The following PLCB2 variants were observed in gnomAD, a reference collection of about 807,000 sequenced individuals.
PLCB2 encodes 1-phosphatidylinositol 4,5-bisphosphate phosphodiesterase beta-2.
A neutral mutation model predicts 141.7 loss-of-function variants in PLCB2; 115 were observed. The ratio of observed to expected loss-of-function variants is 0.81; its 90% CI spans 0.70 to 0.95. The LOEUF (loss-of-function observed/expected upper bound fraction) is 0.95, where lower values mean the gene tolerates loss of function less well. Among genes scored for constraint, PLCB2 ranks in the 40% least tolerant of loss-of-function variants. The probability of loss-of-function intolerance (pLI) is 0.00; values close to 1 mark genes in which losing one functional copy is unlikely to be tolerated. For synonymous variants in PLCB2, 603 were observed against 595.6 expected, an observed-to-expected ratio of 1.01 and a Z score of -0.18; for missense variants, 1,403 against 1,541.1, an observed-to-expected ratio of 0.91 and a Z score of 1.50.
chr15:40,294,589 TAGGC>T (rs1260952681), intron 18 of PLCB2, among the ~76,000 whole-genome samples, 169 bp from the exon 19 acceptor site: 6 of 152,100 alleles, frequency 3.9e-5, no homozygotes, highest in African/African-American at 1.2e-4. Flanking sequence ...TCTCCTCTCT[TAGGC>T]AGGGTCCACA....
chr15:40,299,378 C>T (rs960623509), intron 7 of PLCB2, 150 bp from the exon 8 acceptor site: 2 of 599,242 alleles, frequency 3.3e-6, no homozygotes, highest in Admixed American at 5.8e-5. Flanking sequence ...ATCCACTTCT[C>T]AAGGCCCTGG....
At position 40,299,093 on chromosome 15, in the gene PLCB2, C is replaced by A. The variant is rs376770562; in HGVS notation, c.683+35G>T. 42 of 1,581,692 alleles carry A rather than the reference C, an allele frequency of 2.7e-5. No individual in the cohort carries two copies. In the African/African-American group the frequency reaches 5.2e-4, roughly 20 times the overall value. On this transcript the variant is annotated intron_variant, in intron 8 of 31. Transcript: ENST00000260402. The stretch of plus-strand genomic sequence containing the variant: ...GAGGAGGGGATTGTTAGCCACCACC[C>A]TTTTCCCATGACCAGCACAACCCAA...
intron 7 of PLCB2, chr15:40,300,701 T>G (rs1241805701): frequency 3.9e-5 from 6 of 152,210 alleles, no homozygotes; most frequent in Non-Finnish European, 8.8e-5. Context: ...ACCACCAGAA[T>G]AGGCAAATCT....
intron 30 of PLCB2, chr15:40,289,717 T>C: frequency 1.9e-6 from 1 of 514,914 alleles, no homozygotes; most frequent in Non-Finnish European, 3.5e-6. Context: ...AGTCCCAGCC[T>C]CCCCTGGCCC....
At position 40,297,815 on chromosome 15, in the gene PLCB2, C is replaced by A; in HGVS notation, c.1238+62G>T. Reference sequence around the variant, plus strand: ...GAGGCTGGGGCAGTTGTGGGGAGGACAGTTGCAGACAGGAGACTGGGGGCT... The same window carrying A: ...GAGGCTGGGGCAGTTGTGGGGAGGAAAGTTGCAGACAGGAGACTGGGGGCT... On this transcript the variant is annotated intron_variant, in intron 12 of 31. Coordinates refer to ENST00000260402, the MANE Select transcript of PLCB2 (RefSeq NM_004573.3). The surrounding 1 kb of genome is among the most constrained non-coding windows in gnomAD (Gnocchi z 4.2). The A allele has an allele frequency of 7.6e-7, 1 of 1,309,326 alleles. No homozygotes were observed. Among genetic ancestry groups the A allele is most frequent in the South Asian group, 1.2e-5 (1 of 83,146 alleles). 81.1% of individuals were successfully genotyped at this position (1,309,326 alleles called of 1,614,324 possible).
At chr15:40,295,345 G>A (rs1165699546) in intron 16 of PLCB2, 60 bp from the exon 17 acceptor site, 1 of 1,197,884 alleles carries the variant, frequency 8.3e-7, no homozygotes. Context: ...CCTCAGTCTT[G>A]GCCTCCCCTT....
At chr15:40,290,694 G>T in intron 28 of PLCB2, 22 bp from the exon 29 acceptor site, 1 of 1,612,940 alleles carries the variant, frequency 6.2e-7, no homozygotes, top group Non-Finnish European at 8.5e-7. Flanking sequence ...CAGGCATGAA[G>T]GAGCTGTTTT....
Position 40,292,327 on chromosome 15 carries a change from A to G in PLCB2, c.2431+12T>C, listed in dbSNP as rs763376420. ...GACACCCCGAGGCTCCTGGCATGCC[A>G]TGGGCTCCTACCTGCCCAAGCACCA... On this transcript the variant is annotated intron_variant, in intron 22 of 31. Coordinates refer to ENST00000260402, the MANE Select transcript of PLCB2 (RefSeq NM_004573.3). The G allele has an allele frequency of 1.1e-5, 18 of 1,591,672 alleles. No individual in the cohort carries two copies. In the Admixed American group the frequency reaches 2.7e-4, roughly 24 times the overall value.
At position 40,298,634 on chromosome 15, in the gene PLCB2, G is replaced by A; in HGVS notation, c.925C>T (p.Leu309=). The A allele has an allele frequency of 1.9e-6, 3 of 1,614,224 alleles. No homozygotes were observed. The highest frequency in any genetic ancestry group is 2.5e-6 in the Non-Finnish European group (3 of 1,180,018). The part of the protein sequence containing the change: ...ENSVLAQDKL[L]LHHDMTQPLN... ...GGCTGCGTCATGTCGTGGTGGAGCA[G>A]CAGCTTGTCCTGGGCCAGCACGCTG... Residue 309 remains leucine, a synonymous_variant, in exon 10 of 32, where the codon CTG becomes TTG. Coordinates refer to ENST00000260402, the MANE Select transcript of PLCB2 (RefSeq NM_004573.3).
At position 40,297,883 on chromosome 15, in the gene PLCB2, A is replaced by G. The variant is rs1271106196; in HGVS notation, c.1232T>C (p.Val411Ala). The change falls in exon 12 of 32, where the codon GTG becomes GCG. Residue 411 changes from valine to alanine, a missense_variant. Transcript: ENST00000260402. The surrounding 1 kb of genome is among the most constrained non-coding windows in gnomAD (Gnocchi z 4.2). ...YPIILSFENH[V>A]DSPRQQAKMA... ...AATGGGCCTGGATACGCACGAGTCC[A>G]CATGGTTCTCAAACGACAGGATGAT... The G allele has an allele frequency of 1.2e-6, 2 of 1,613,004 alleles. No individual in the cohort carries two copies. Among genetic ancestry groups the G allele is most frequent in the East Asian group, 4.5e-5 (2 of 44,874 alleles).
At position 40,294,288 on chromosome 15, in the gene PLCB2, A is replaced by G; in HGVS notation, c.2039T>C (p.Val680Ala). The change falls in exon 19 of 32, where the codon GTG becomes GCG. Residue 680 changes from valine to alanine, a missense_variant. Physicochemically the swap from Val to Ala is moderately conservative, Grantham distance 64 (BLOSUM62 0). Coordinates refer to ENST00000260402, the MANE Select transcript of PLCB2 (RefSeq NM_004573.3). The stretch of plus-strand genomic sequence containing the variant: ...TGCCGTAATGGAAAGGGTGGTGGCC[A>G]CCACCACGTCGATGCGGTCCACTGA... ...PFSVDRIDVV[V>A]ATTLSITVIS... 1 of 1,612,946 alleles carries G rather than the reference A, an allele frequency of 6.2e-7. No homozygotes were observed. The highest frequency in any genetic ancestry group is 8.5e-7 in the Non-Finnish European group (1 of 1,179,406).
chr15:40,291,173 G>T lies in PLCB2; in HGVS notation c.2881C>A (p.Arg961Ser). 2 of 1,571,356 alleles carry T rather than the reference G, an allele frequency of 1.3e-6. No homozygotes were observed. The highest frequency in any genetic ancestry group is 1.1e-5 in the South Asian group (1 of 87,086). The part of the protein sequence containing the change: ...KGSRKKRSLP[R>S]EESAGAAPGE... ...GGCGCGGCTCCGGCGCTCTCCTCGC[G>T]GGGCAGGCTCCTGGGGAGGCCACGT... Residue 961 changes from arginine to serine, a missense_variant, in exon 27 of 32, where the codon CGC (arginine) becomes AGC (serine). Around this residue, in one of 4 missense-constraint regions of PLCB2, gnomAD observed 290 missense variants for 245.9 expected, o/e 1.18. Transcript: ENST00000260402.
chr15:40,287,945 G>T lies in PLCB2; in HGVS notation c.*770C>A, dbSNP rs2039647073. On this transcript the variant is annotated 3_prime_UTR_variant, in exon 32 of 32. Coordinates refer to ENST00000260402, the MANE Select transcript of PLCB2 (RefSeq NM_004573.3). The stretch of plus-strand genomic sequence containing the variant: ...GGTTCTTTAATAGGAGTAGGAAAGA[G>T]AAAAATAAATAAACCTCATAAATTC... 1.0e-6 allele frequency: 1 copy of T among 984,386 alleles called. No homozygotes were observed. Among genetic ancestry groups the T allele is most frequent in the Non-Finnish European group, 1.2e-6 (1 of 828,984 alleles). The allele number at this position is 984,386 out of a possible 1,614,324, so 61.0% of individuals were successfully genotyped here. A position where few individuals can be genotyped will look rare whatever the true frequency, so the allele number is the denominator to read the frequency against.
At chr15:40,306,172 C>T (rs971302637) in intron 1 of PLCB2, among the ~76,000 whole-genome samples, 1 of 152,172 alleles carries the variant, frequency 6.6e-6, no homozygotes, top group African/African-American at 2.4e-5. Flanking sequence ...ATGTATTCTG[C>T]TTATTCAACA....
At position 40,291,326 on chromosome 15, in the gene PLCB2, G is replaced by A; in HGVS notation, c.2809C>T (p.Pro937Ser). 6.5e-7 allele frequency: 1 copy of A among 1,535,702 alleles called. No homozygotes were observed. Among genetic ancestry groups the A allele is most frequent in the Non-Finnish European group, 8.7e-7 (1 of 1,148,954 alleles). The change falls in exon 26 of 32, where the codon CCG becomes TCG. Residue 937 changes from proline to serine, a missense_variant. Physicochemically the swap from Pro to Ser is moderately conservative, Grantham distance 74. Around this residue, in one of 4 missense-constraint regions of PLCB2, gnomAD observed 290 missense variants for 245.9 expected, o/e 1.18. Coordinates refer to ENST00000260402, the MANE Select transcript of PLCB2 (RefSeq NM_004573.3). ...CAGGCCCCGACGCCCCCCACGCCCG[G>A]TGGCCCGAGCTCCGCCAGCTGCGCC... Reference protein sequence around the residue: ...GAAQLAELGPPGVGGVGACKL... With the variant: ...GAAQLAELGPSGVGGVGACKL...
downstream of PLCB2, among the ~76,000 whole-genome samples, chr15:40,286,772 T>G (rs1276928565): frequency 6.6e-6 from 1 of 152,168 alleles, no homozygotes; most frequent in African/African-American, 2.4e-5. Context: ...ACCTTGCCTT[T>G]TTGGGAGGAA....
chr15:40,299,930 G>A (rs1027790984), intron 7 of PLCB2, among the ~76,000 whole-genome samples: 2 of 152,150 alleles, frequency 1.3e-5, no homozygotes, highest in Admixed American at 6.5e-5. Context: ...ACACAGAAAA[G>A]GTGCTCAATA....
chr15:40,299,934 C>T (rs1407438102), intron 7 of PLCB2, among the ~76,000 whole-genome samples: 2 of 152,144 alleles, frequency 1.3e-5, no homozygotes, highest in African/African-American at 4.8e-5. Flanking sequence ...AGAAAAGGTG[C>T]TCAATATAAT....
In PLCB2 at chr15:40,288,530, G is replaced by A. The variant is rs766502071; in HGVS notation, c.*185C>T. On this transcript the variant is annotated 3_prime_UTR_variant, in exon 32 of 32. Transcript: ENST00000260402. ...TTCTAGGCCCCAGAGAGGCCCTGCC[G>A]TGAGGGTGCCTGGGTCCTGTCTCAG... The A allele has an allele frequency of 1.1e-4, 144 of 1,323,396 alleles. No homozygotes were observed. The highest frequency in any genetic ancestry group is 1.3e-4 in the Non-Finnish European group (137 of 1,036,692). The allele number at this position is 1,323,396 out of a possible 1,614,324, so 82.0% of individuals were successfully genotyped here. A position where few individuals can be genotyped will look rare whatever the true frequency, so the allele number is the denominator to read the frequency against.
Sources: gnomAD v4.1 joint callset for allele counts (sites outside exome capture counted in the v4.1 genomes callset) on GRCh38, gnomAD v4.1.1 for gene constraint, gnomAD v4.1.1 regional missense constraint, Gnocchi (gnomAD v3.1) non-coding constraint, MANE v1.5 for transcripts, NCBI Gene and HGNC (gene_info 2026-07-23, HGNC 2026-07-21) for gene names.